Variants in SPOCK1 observed in about 807,000 individuals in gnomAD.
SPOCK1 encodes testican-1.
In SPOCK1, 23 loss-of-function variants were observed where a neutral mutation model predicts 55.3. The observed-to-expected ratio is 0.42, with a 90% confidence interval of 0.30 to 0.59. SPOCK1 has a LOEUF of 0.59. SPOCK1 is among the 20% of genes least tolerant of loss of function. The pLI, the probability that SPOCK1 is intolerant of heterozygous loss-of-function variation, is 0.22. For missense variants in SPOCK1, 499 were observed against 552.5 expected, an observed-to-expected ratio of 0.90 and a Z score of 0.97; for synonymous variants, 226 against 221.0, an observed-to-expected ratio of 1.02 and a Z score of -0.20.
At chr5:137,456,309 A>G (rs982212251) in intron 2 of SPOCK1, among the ~76,000 whole-genome samples, 1 of 152,174 alleles carries the variant, frequency 6.6e-6, no homozygotes, top group African/African-American at 2.4e-5. Flanking sequence ...AGGATTCTGT[A>G]TTATTACAAA....
At chr5:137,267,117 TA>T in intron 2 of SPOCK1, 62 bp from the exon 3 acceptor site, 1 of 1,403,094 alleles carries the variant, frequency 7.1e-7, no homozygotes, top group Non-Finnish European at 1.0e-6. Context: ...CATAACTGCA[TA>T]AAAACCTGCC....
chr5:137,283,557 A>T lies in SPOCK1; in HGVS notation c.187-16502T>A, dbSNP rs544251398. On this transcript the variant is annotated intron_variant, in intron 2 of 10. Transcript: ENST00000394945. ...AGTGAAACCCCATCTCTACCAAAAAATACAAAAATTAGCCAGGTGTGGTGA... is the reference window on the plus strand; with the variant it reads ...AGTGAAACCCCATCTCTACCAAAAATTACAAAAATTAGCCAGGTGTGGTGA... Among the ~76,000 whole-genome samples the T allele has an allele frequency of 2.6e-5, 4 of 152,262 alleles. No individual in the cohort carries two copies. In the East Asian group the frequency reaches 7.7e-4, roughly 29 times the overall value.
chr5:137,382,708 G>A (rs1327509974), intron 2 of SPOCK1, among the ~76,000 whole-genome samples: 2 of 152,216 alleles, frequency 1.3e-5, no homozygotes, highest in African/African-American at 2.4e-5. Flanking sequence ...CAGCATGGGG[G>A]AAATCCACCC....
In SPOCK1 at chr5:137,468,670, G is replaced by A. The variant is rs147739209; in HGVS notation, c.186+29703C>T. Reference sequence around the variant, plus strand: ...TAATGCAGTGGAAGTTTGGGGGGCCGGTAACACGTTTTTATTATGCTCAAA... The same window carrying A: ...TAATGCAGTGGAAGTTTGGGGGGCCAGTAACACGTTTTTATTATGCTCAAA... On this transcript the variant is annotated intron_variant, in intron 2 of 10. Coordinates refer to ENST00000394945, the MANE Select transcript of SPOCK1 (RefSeq NM_004598.4). Among the ~76,000 whole-genome samples the A allele has an allele frequency of 1.8e-4, 28 of 152,272 alleles. No homozygotes were observed. In the East Asian group the frequency reaches 5.0e-3, roughly 27 times the overall value.
chr5:137,343,654 T>A (rs1750488773), intron 2 of SPOCK1, among the ~76,000 whole-genome samples: 1 of 152,188 alleles, frequency 6.6e-6, no homozygotes, highest in Non-Finnish European at 1.5e-5. Context: ...TTCACACAGT[T>A]CCTCCTTAGG....
chr5:136,977,752 A>G lies in SPOCK1; in HGVS notation c.*902T>C, dbSNP rs1208082884. ...TTAGGCAGACGGAGGTTTTTTCTCA[A>G]TCAGAGGCTTTCAGTAACTCTGCTG... On this transcript the variant is annotated 3_prime_UTR_variant, in exon 11 of 11. Transcript: ENST00000394945. 2 of 398,842 alleles carry G rather than the reference A, an allele frequency of 5.0e-6. No homozygotes were observed. The highest frequency in any genetic ancestry group is 4.1e-5 in the African/African-American group (2 of 48,630). 24.7% of individuals were successfully genotyped at this position (398,842 alleles called of 1,614,324 possible).
intron 3 of SPOCK1, among the ~76,000 whole-genome samples, chr5:137,217,654 G>C (rs942435048): frequency 6.6e-6 from 1 of 152,174 alleles, no homozygotes; most frequent in African/African-American, 2.4e-5. Flanking sequence ...TGTTACTGAA[G>C]TAAGTACTCA....
chr5:137,022,812 C>A (rs1345439305), intron 6 of SPOCK1, among the ~76,000 whole-genome samples: 1 of 152,166 alleles, frequency 6.6e-6, no homozygotes, highest in Non-Finnish European at 1.5e-5. Flanking sequence ...TTTGGGTGGC[C>A]AGCGTTCTCT....
chr5:137,073,131 G>C (rs976026026), intron 5 of SPOCK1, among the ~76,000 whole-genome samples: 2 of 152,206 alleles, frequency 1.3e-5, no homozygotes, highest in African/African-American at 4.8e-5. Flanking sequence ...ATAAATACAT[G>C]TGTTCCTTTC....
At chr5:136,985,691 A>T (rs1051365475) in intron 8 of SPOCK1, among the ~76,000 whole-genome samples, 18 of 152,168 alleles carry the variant, frequency 1.2e-4, no homozygotes. Context: ...TTGAGGGACA[A>T]CTATGAAGAT....
At chr5:137,077,182 C>T (rs1752785761) in intron 5 of SPOCK1, among the ~76,000 whole-genome samples, 2 of 152,256 alleles carry the variant, frequency 1.3e-5, no homozygotes, top group African/African-American at 4.8e-5. Context: ...CCTCGTCCTC[C>T]CAAAGTGCTG....
intron 6 of SPOCK1, among the ~76,000 whole-genome samples, chr5:137,064,384 TGTGTGC>T (rs1288388078): frequency 6.6e-6 from 1 of 152,168 alleles, no homozygotes; most frequent in Non-Finnish European, 1.5e-5. Context: ...TGTGTGCGTG[TGTGTGC>T]GTGTGTGTAT....
At chr5:137,392,844 C>T (rs1561523617) in intron 2 of SPOCK1, among the ~76,000 whole-genome samples, 1 of 152,130 alleles carries the variant, frequency 6.6e-6, no homozygotes, top group African/African-American at 2.4e-5. Context: ...TCCCTTTCTC[C>T]AGCCTCTATT....
At chr5:137,306,262 A>G (rs28811611) in intron 2 of SPOCK1, among the ~76,000 whole-genome samples, 41,235 of 152,182 alleles carry the variant, frequency 0.27, 6,292 homozygotes, top group African/African-American at 0.4. Context: ...GTTATCAGAC[A>G]CATAAAACCA....
At chr5:137,341,006 C>G (rs1354001169) in intron 2 of SPOCK1, among the ~76,000 whole-genome samples, 1 of 152,200 alleles carries the variant, frequency 6.6e-6, no homozygotes, top group Non-Finnish European at 1.5e-5. Context: ...CCCTCATACT[C>G]TGCCCACCCC....
chr5:137,129,349 C>A (rs777912033), intron 4 of SPOCK1, among the ~76,000 whole-genome samples: 5 of 152,192 alleles, frequency 3.3e-5, no homozygotes, highest in Non-Finnish European at 5.9e-5. Context: ...CTGATAGGTT[C>A]TTCTTGCCCG....
At chr5:137,451,739 G>A (rs1561539393) in intron 2 of SPOCK1, among the ~76,000 whole-genome samples, 1 of 152,164 alleles carries the variant, frequency 6.6e-6, no homozygotes, top group Non-Finnish European at 1.5e-5. Flanking sequence ...TAATCCTATT[G>A]CAGCACACTA....
intron 5 of SPOCK1, among the ~76,000 whole-genome samples, chr5:137,078,325 G>A (rs936173297): frequency 5.3e-5 from 8 of 152,190 alleles, no homozygotes; most frequent in African/African-American, 1.7e-4. Context: ...CTCTCCAGCT[G>A]TCCTGGTTTC....
chr5:137,399,970 C>T (rs1233119630), intron 2 of SPOCK1, among the ~76,000 whole-genome samples: 1 of 152,110 alleles, frequency 6.6e-6, no homozygotes. Context: ...TCTGGACTTG[C>T]TATCTCTGAG....
Sources: gnomAD v4.1 joint callset for allele counts (sites outside exome capture counted in the v4.1 genomes callset) on GRCh38, gnomAD v4.1.1 for gene constraint, MANE v1.5 for transcripts, NCBI Gene and HGNC (gene_info 2026-07-23, HGNC 2026-07-21) for gene names.